The following RBKS variants were observed in gnomAD, a reference collection of about 807,000 sequenced individuals.
The protein encoded by RBKS is ribokinase.
RBKS carries 33 observed loss-of-function variants against 33.9 expected under a neutral mutation model. That is an observed-to-expected ratio of 0.97 (90% CI 0.74 to 1.30). RBKS has a LOEUF of 1.30. Among genes scored for constraint, RBKS ranks in the 50% most tolerant of loss-of-function variants. The pLI, the probability that RBKS is intolerant of heterozygous loss-of-function variation, is 0.00. For missense variants in RBKS, 361 were observed against 392.6 expected (o/e 0.92, Z 0.68); for synonymous variants, 125 against 143.0 (o/e 0.87, Z 0.90).
intron 7 of RBKS, chr2:27,809,886 G>A (rs775074600): frequency 1.5e-4 from 192 of 1,275,732 alleles, no homozygotes; most frequent in Non-Finnish European, 1.9e-4. Context: ...TGAGTAATTA[G>A]TCATTGCACA....
At chr2:27,874,735 C>T (rs1664279341) in intron 1 of RBKS, among the ~76,000 whole-genome samples, 1 of 152,026 alleles carries the variant, frequency 6.6e-6, no homozygotes, top group African/African-American at 2.4e-5. Flanking sequence ...TTTTGTCTAC[C>T]CCTGTGGAAC....
intron 7 of RBKS, among the ~76,000 whole-genome samples, chr2:27,785,399 G>A (rs527983813): frequency 6.6e-5 from 10 of 152,234 alleles, no homozygotes; most frequent in African/African-American, 2.2e-4. Flanking sequence ...AAAGATATAG[G>A]CCTGCAATTT....
At chr2:27,806,484 A>G (rs1677898412) in intron 7 of RBKS, among the ~76,000 whole-genome samples, 1 of 152,212 alleles carries the variant, frequency 6.6e-6, no homozygotes, top group South Asian at 2.1e-4. Flanking sequence ...AGATGTGATT[A>G]AATTTGAATT....
intron 1 of RBKS, among the ~76,000 whole-genome samples, chr2:27,875,345 C>T (rs1171223585): frequency 1.3e-5 from 2 of 152,046 alleles, no homozygotes; most frequent in East Asian, 1.9e-4. Context: ...GTTAGGAGTT[C>T]GAGAGCAGCC....
chr2:27,788,476 C>T (rs959313971), intron 7 of RBKS, among the ~76,000 whole-genome samples: 3 of 152,190 alleles, frequency 2.0e-5, no homozygotes, highest in East Asian at 1.9e-4. Flanking sequence ...GAGGCCGAGA[C>T]GGGTGGATAA....
Position 27,830,229 on chromosome 2 carries a change from T to C in RBKS, c.606+2457A>G, listed in dbSNP as rs558929114. ...TGAGTATCATAAGCATGAATTTACA[T>C]TATTGCTGTGATTAGAGTTCATCTA... On this transcript the variant is annotated intron_variant, in intron 6 of 7. Coordinates refer to ENST00000302188, the MANE Select transcript of RBKS (RefSeq NM_022128.3). Among the ~76,000 whole-genome samples the C allele has an allele frequency of 8.9e-4, 136 of 152,306 alleles. 3 individuals carry two copies. The highest frequency in any genetic ancestry group is 8.8e-4 in the Non-Finnish European group (60 of 68,024).
At chr2:27,840,775 A>G (rs1432547120) in intron 5 of RBKS, among the ~76,000 whole-genome samples, 2 of 152,144 alleles carry the variant, frequency 1.3e-5, no homozygotes, top group Non-Finnish European at 2.9e-5. Flanking sequence ...TAGAGTCTGA[A>G]ATCATGGTTT....
intron 7 of RBKS, among the ~76,000 whole-genome samples, chr2:27,821,280 CTTTA>C (rs1678199867): frequency 6.6e-6 from 1 of 151,766 alleles, no homozygotes; most frequent in African/African-American, 2.4e-5. Flanking sequence ...TGTCTCATTT[CTTTA>C]TTTTTTTCGT....
intron 7 of RBKS, among the ~76,000 whole-genome samples, chr2:27,783,311 C>T (rs1289265249): frequency 6.6e-6 from 1 of 152,154 alleles, no homozygotes; most frequent in Non-Finnish European, 1.5e-5. Flanking sequence ...CCCCAAGATG[C>T]TCCAGGGTCA....
chr2:27,879,236 T>C (rs901316107), intron 1 of RBKS, among the ~76,000 whole-genome samples: 3 of 152,188 alleles, frequency 2.0e-5, no homozygotes, highest in Admixed American at 2.0e-4. Flanking sequence ...TACCATGTCA[T>C]ACTATAATAA....
intron 1 of RBKS, chr2:27,861,672 G>GGGGT: frequency 2.4e-6 from 1 of 423,010 alleles, no homozygotes; most frequent in East Asian, 8.8e-5. Context: ...TTGGGGGGGG[G>GGGGT]GTGGAGTCTC....
At chr2:27,869,919 G>A (rs1558555721) in intron 1 of RBKS, 1 of 152,308 alleles carries the variant, frequency 6.6e-6, no homozygotes. Flanking sequence ...ATTATGCCTT[G>A]ACTTCAATCC....
At chr2:27,791,927 T>C (rs184879317) in intron 7 of RBKS, among the ~76,000 whole-genome samples, 40 of 152,218 alleles carry the variant, frequency 2.6e-4, no homozygotes, top group African/African-American at 8.7e-4. Context: ...TCAAAACTCA[T>C]TGAATCATGT....
At chr2:27,869,041 T>C (rs919718033) in intron 1 of RBKS, among the ~76,000 whole-genome samples, 1 of 152,138 alleles carries the variant, frequency 6.6e-6, no homozygotes, top group Non-Finnish European at 1.5e-5. Context: ...ATAAGGAGAA[T>C]GAAAATCAGA....
chr2:27,798,922 C>T (rs564971421), intron 7 of RBKS, among the ~76,000 whole-genome samples: 24 of 152,156 alleles, frequency 1.6e-4, no homozygotes, highest in East Asian at 3.8e-4. Context: ...TGTGCTGTCC[C>T]GGAAACCACC....
intron 7 of RBKS, among the ~76,000 whole-genome samples, chr2:27,819,395 TAC>T (rs1238418242): frequency 3.3e-5 from 5 of 152,176 alleles, no homozygotes; most frequent in South Asian, 2.1e-4. Context: ...TATCTCCAAA[TAC>T]AGTCACATTG....
intron 7 of RBKS, among the ~76,000 whole-genome samples, chr2:27,792,728 C>T (rs1677562708): frequency 1.3e-5 from 2 of 152,296 alleles, no homozygotes; most frequent in South Asian, 2.1e-4. Flanking sequence ...TCCTTCTTGC[C>T]CTGCCAAGTC....
At chr2:27,871,412 C>T (rs867071454) in intron 1 of RBKS, among the ~76,000 whole-genome samples, 12 of 152,116 alleles carry the variant, frequency 7.9e-5, no homozygotes, top group African/African-American at 2.2e-4. Flanking sequence ...TCAATGCACC[C>T]GTAATTTAAA....
At chr2:27,857,864 C>A (rs1298289704) in intron 2 of RBKS, among the ~76,000 whole-genome samples, 1 of 152,164 alleles carries the variant, frequency 6.6e-6, no homozygotes, top group Non-Finnish European at 1.5e-5. Context: ...AAACAATAAA[C>A]TTCCACAAGA....
Sources: allele counts gnomAD v4.1 joint callset (sites outside exome capture counted in the v4.1 genomes callset), GRCh38; gene constraint gnomAD v4.1.1; transcripts MANE v1.5; gene names NCBI Gene and HGNC (gene_info 2026-07-23, HGNC 2026-07-21).